IGF2BP1: variants seen among roughly 807,000 people sequenced by gnomAD.
IGF2BP1 encodes insulin like growth factor 2 mRNA binding protein 1.
A neutral mutation model predicts 74.9 loss-of-function variants in IGF2BP1; 11 were observed. The ratio of observed to expected loss-of-function variants is 0.15; its 90% CI spans 0.09 to 0.24. The LOEUF (loss-of-function observed/expected upper bound fraction) is 0.24. Ranked by LOEUF, IGF2BP1 falls within the 10% of genes least tolerant of loss-of-function variation. IGF2BP1 has a pLI of 1.00. For missense variants in IGF2BP1, 440 were observed against 757.4 expected (o/e 0.58, Z 4.92); for synonymous variants, 287 against 281.8 (o/e 1.02, Z -0.18).
chr17:48,997,473 T>G lies in IGF2BP1; in HGVS notation c.-273T>G. ...TGACACACCAGCCCTCTCGGAGGGG[T>G]TTCGGACCGAAGGGAAGAAGCTGCG... On this transcript the variant is annotated 5_prime_UTR_variant, in exon 1 of 15. Transcript: ENST00000290341. The surrounding 1 kb of genome is among the most constrained non-coding windows in gnomAD (Gnocchi z 4.8). 3.0e-6 allele frequency: 1 copy of G among 332,522 alleles called. No homozygotes were observed. The highest frequency in any genetic ancestry group is 5.4e-6 in the Non-Finnish European group (1 of 184,590). 20.6% of individuals were successfully genotyped at this position (332,522 alleles called of 1,614,324 possible). A position where few individuals can be genotyped will look rare whatever the true frequency, so the allele number is the denominator to read the frequency against.
chr17:49,017,320 C>T (rs1477912326), intron 2 of IGF2BP1, among the ~76,000 whole-genome samples: 1 of 152,164 alleles, frequency 6.6e-6, no homozygotes, highest in Non-Finnish European at 1.5e-5. Context: ...CCCTGCTGGA[C>T]TGTAAACCCT....
At chr17:49,005,481 G>C (rs1405407300) in intron 2 of IGF2BP1, among the ~76,000 whole-genome samples, 1 of 152,214 alleles carries the variant, frequency 6.6e-6, no homozygotes, top group African/African-American at 2.4e-5. Flanking sequence ...GACAAGTCTG[G>C]TTATTAGACA....
chr17:49,040,272 G>A (rs2042036162), intron 7 of IGF2BP1, among the ~76,000 whole-genome samples, 181 bp downstream of exon 7: 1 of 152,252 alleles, frequency 6.6e-6, no homozygotes, highest in Non-Finnish European at 1.5e-5. Flanking sequence ...CTGGAGTACA[G>A]TGGCATGATC....
chr17:49,038,805 C>G (rs1418360753), intron 6 of IGF2BP1, among the ~76,000 whole-genome samples: 1 of 151,992 alleles, frequency 6.6e-6, no homozygotes, highest in Non-Finnish European at 1.5e-5. Context: ...GCTGGCCAAC[C>G]TGTCCAAAAT....
intron 12 of IGF2BP1, 38 bp from the exon 13 acceptor site, chr17:49,045,852 A>G (rs567745667): frequency 1.9e-6 from 3 of 1,605,048 alleles, no homozygotes; most frequent in Middle Eastern, 1.7e-4. Flanking sequence ...TGTCACAGAT[A>G]TATGAACCAC....
At chr17:49,000,582 A>G (rs187013382) in intron 2 of IGF2BP1, among the ~76,000 whole-genome samples, 66 of 152,358 alleles carry the variant, frequency 4.3e-4, no homozygotes, top group African/African-American at 1.5e-3. Context: ...TAAGGAACAT[A>G]CACTGACACC....
intron 7 of IGF2BP1, among the ~76,000 whole-genome samples, chr17:49,040,357 A>G (rs1053548111): frequency 6.6e-6 from 1 of 152,202 alleles, no homozygotes; most frequent in African/African-American, 2.4e-5. Context: ...CTAGGACAAC[A>G]TGCATGCACC....
chr17:49,038,539 T>A, intron 6 of IGF2BP1, 90 bp downstream of exon 6: 1 of 1,275,172 alleles, frequency 7.8e-7, no homozygotes, highest in Non-Finnish European at 1.0e-6. Flanking sequence ...GCTGGAGACA[T>A]CAACATTTAC....
At chr17:49,014,078 GA>G (rs1284830242) in intron 2 of IGF2BP1, 2 of 152,136 alleles carry the variant, frequency 1.3e-5, no homozygotes, top group Non-Finnish European at 2.9e-5. Context: ...CACAGGCGGG[GA>G]CAGCCCGCCC....
chr17:49,025,384 C>A (rs1598142586), intron 2 of IGF2BP1, among the ~76,000 whole-genome samples: 1 of 148,226 alleles, frequency 6.7e-6, no homozygotes, highest in African/African-American at 2.5e-5. Context: ...GTGCTTAGAA[C>A]ACCTGATTCT....
intron 2 of IGF2BP1, among the ~76,000 whole-genome samples, chr17:49,022,466 G>C (rs932168283): frequency 2.0e-5 from 3 of 152,058 alleles, no homozygotes; most frequent in Non-Finnish European, 4.4e-5. Context: ...TTTGTTGAAA[G>C]GAGGCAGCCT....
intron 2 of IGF2BP1, among the ~76,000 whole-genome samples, chr17:49,025,141 G>A (rs988291295): frequency 2.0e-5 from 3 of 152,110 alleles, no homozygotes; most frequent in African/African-American, 2.4e-5. Context: ...ACAGTGAGCC[G>A]AGATCGCACC....
chr17:49,038,208 G>A lies in IGF2BP1; in HGVS notation c.442G>A (p.Ala148Thr). ...GAATGGCCACCAGTTGGAGAACCATGCCCTGAAGGTCTCCTACATCCCCGA... is the reference window on the plus strand; with the variant it reads ...GAATGGCCACCAGTTGGAGAACCATACCCTGAAGGTCTCCTACATCCCCGA... ...KLNGHQLENH[A>T]LKVSYIPDEQ... The change falls in exon 6 of 15, where the codon GCC (alanine) becomes ACC (threonine). Residue 148 changes from alanine to threonine, a missense_variant. Ala to Thr is a moderately conservative substitution (Grantham distance 58). Around this residue, in one of 5 missense-constraint regions of IGF2BP1, gnomAD observed 105 missense variants for 199.4 expected, o/e 0.53. Transcript: ENST00000290341. The A allele has an allele frequency of 6.5e-7, 1 of 1,538,568 alleles. No homozygotes were observed. Among genetic ancestry groups the A allele is most frequent in the Non-Finnish European group, 8.8e-7 (1 of 1,139,508 alleles).
At chr17:49,008,047 C>T (rs892656857) in intron 2 of IGF2BP1, among the ~76,000 whole-genome samples, 2 of 152,080 alleles carry the variant, frequency 1.3e-5, no homozygotes, top group African/African-American at 4.8e-5. Context: ...TGGCTGGCAC[C>T]TGTAATCCCA....
At chr17:49,003,388 T>G (rs1443442324) in intron 2 of IGF2BP1, among the ~76,000 whole-genome samples, 2 of 152,200 alleles carry the variant, frequency 1.3e-5, no homozygotes, top group Non-Finnish European at 2.9e-5. Flanking sequence ...TTAAAACATT[T>G]TAAAATTCAG....
At chr17:49,049,320 C>G in intron 14 of IGF2BP1, 32 bp from the exon 15 acceptor site, 1 of 1,603,500 alleles carries the variant, frequency 6.2e-7, no homozygotes, top group Non-Finnish European at 8.5e-7. Context: ...TTGGAGGTCT[C>G]ACACCCACTC....
At position 49,055,919 on chromosome 17, in the gene IGF2BP1, A is replaced by C. The variant is rs1047627568; in HGVS notation, c.*6475A>C. 1.3e-5 allele frequency among the ~76,000 whole-genome samples: 2 copies of C among 150,624 alleles called. No homozygotes were observed. The highest frequency in any genetic ancestry group is 2.5e-5 in the African/African-American group (1 of 40,672). Reference sequence around the variant, plus strand: ...ACTTTGAAAATTGTATTTTACTGGAAATCTGCCAGCCATCACCACCCGATT... The same window carrying C: ...ACTTTGAAAATTGTATTTTACTGGACATCTGCCAGCCATCACCACCCGATT... On this transcript the variant is annotated 3_prime_UTR_variant, in exon 15 of 15. Transcript: ENST00000290341.
chr17:49,044,791 C>CT (rs1237315298), intron 11 of IGF2BP1, among the ~76,000 whole-genome samples, 200 bp from the exon 12 acceptor site: 3 of 152,244 alleles, frequency 2.0e-5, no homozygotes, highest in African/African-American at 7.2e-5. Context: ...GCCAATCCTT[C>CT]TAACTGACCA....
intron 2 of IGF2BP1, among the ~76,000 whole-genome samples, chr17:49,008,389 T>C (rs2041576760): frequency 6.6e-6 from 1 of 152,176 alleles, no homozygotes; most frequent in African/African-American, 2.4e-5. Context: ...AGGTTATCTA[T>C]AGGGTTTTCT....
Sources: allele counts gnomAD v4.1 joint callset (sites outside exome capture counted in the v4.1 genomes callset), GRCh38; gene constraint gnomAD v4.1.1; regional missense constraint gnomAD v4.1.1; non-coding constraint Gnocchi (gnomAD v3.1); transcripts MANE v1.5; gene names NCBI Gene and HGNC (gene_info 2026-07-23, HGNC 2026-07-21).